The following RORA variants were observed in gnomAD, a reference collection of about 807,000 sequenced individuals.
RORA encodes nuclear receptor ROR-alpha.
Under a neutral mutation model 69.5 loss-of-function variants are expected in RORA, and 7 were observed. That is an observed-to-expected ratio of 0.10 (90% CI 0.06 to 0.19). The LOEUF is 0.19. RORA is among the 10% of genes least tolerant of loss of function. The pLI is 1.00. For synonymous variants in RORA, 261 were observed against 240.8 expected, an observed-to-expected ratio of 1.08 and a Z score of -0.78; for missense variants, 457 against 663.0, an observed-to-expected ratio of 0.69 and a Z score of 3.41.
chr15:60,867,660 T>C (rs1295867793), intron 1 of RORA, among the ~76,000 whole-genome samples: 2 of 152,166 alleles, frequency 1.3e-5, no homozygotes, highest in Non-Finnish European at 2.9e-5. Context: ...ATCAATGTGC[T>C]AAATAATTAA....
intron 3 of RORA, among the ~76,000 whole-genome samples, chr15:60,517,133 A>C (rs2065991546): frequency 7.3e-6 from 1 of 136,968 alleles, no homozygotes; most frequent in Non-Finnish European, 1.5e-5. Context: ...TCCCCCCTAC[A>C]ATAGGCAGAT....
chr15:61,040,163 T>TATATAA (rs1491503044), intron 1 of RORA, among the ~76,000 whole-genome samples: 5 of 108,966 alleles, frequency 4.6e-5, no homozygotes, highest in East Asian at 2.8e-4. Flanking sequence ...TATATATATA[T>TATATAA]AAAATATATG....
chr15:60,718,979 T>C (rs2071256075), intron 1 of RORA, among the ~76,000 whole-genome samples: 2 of 151,866 alleles, frequency 1.3e-5, no homozygotes. Context: ...AGGTCAGAGT[T>C]CAAGGACTGG....
At chr15:61,065,820 C>T (rs1189824867) in intron 1 of RORA, among the ~76,000 whole-genome samples, 1 of 152,216 alleles carries the variant, frequency 6.6e-6, no homozygotes, top group African/African-American at 2.4e-5. Flanking sequence ...TAACCCCTAA[C>T]TTTCATGCAA....
At chr15:60,759,438 G>A (rs1196045044) in intron 1 of RORA, among the ~76,000 whole-genome samples, 2 of 152,152 alleles carry the variant, frequency 1.3e-5, no homozygotes, top group African/African-American at 4.8e-5. Context: ...GCCAACTCTA[G>A]CAATGAATAC....
chr15:61,148,780 G>C (rs921502163), intron 1 of RORA, among the ~76,000 whole-genome samples: 10 of 152,162 alleles, frequency 6.6e-5, no homozygotes, highest in Non-Finnish European at 1.0e-4. Flanking sequence ...AATTAGATTA[G>C]AATGGGATCA....
intron 1 of RORA, among the ~76,000 whole-genome samples, chr15:61,052,069 A>C (rs2140505066): frequency 6.6e-6 from 1 of 152,356 alleles, no homozygotes; most frequent in South Asian, 2.1e-4. Context: ...CAGAAACAGA[A>C]AAGACAGAGG....
intron 2 of RORA, among the ~76,000 whole-genome samples, chr15:60,622,944 G>A (rs1682917914): frequency 6.6e-6 from 1 of 152,094 alleles, no homozygotes; most frequent in Non-Finnish European, 1.5e-5. Context: ...TCGAACTCCT[G>A]ACCTCAGGTG....
intron 2 of RORA, among the ~76,000 whole-genome samples, chr15:60,583,641 A>G (rs2068252820): frequency 6.6e-6 from 1 of 152,164 alleles, no homozygotes; most frequent in South Asian, 2.1e-4. Flanking sequence ...TGTTTGGGCC[A>G]CTTGGGGTAA....
intron 1 of RORA, among the ~76,000 whole-genome samples, chr15:60,865,876 G>C (rs2073481668): frequency 6.6e-6 from 1 of 152,046 alleles, no homozygotes; most frequent in Non-Finnish European, 1.5e-5. Flanking sequence ...GTTGTGTCAG[G>C]GGTAATGCTT....
intron 2 of RORA, among the ~76,000 whole-genome samples, chr15:60,632,217 T>G (rs893525283): frequency 6.6e-6 from 1 of 151,996 alleles, no homozygotes; most frequent in Non-Finnish European, 1.5e-5. Flanking sequence ...GCCATTCTCC[T>G]GCCTCAGCCT....
At chr15:60,909,590 T>C (rs79577978) in intron 1 of RORA, among the ~76,000 whole-genome samples, 2,252 of 152,278 alleles carry the variant, frequency 0.015, 32 homozygotes, top group African/African-American at 0.039. Flanking sequence ...AAGGGGAGAT[T>C]TGTTAAAGTA....
chr15:60,693,029 A>T (rs1217114377), intron 1 of RORA, among the ~76,000 whole-genome samples: 1 of 152,246 alleles, frequency 6.6e-6, no homozygotes, highest in Non-Finnish European at 1.5e-5. Flanking sequence ...ATCCCTGATG[A>T]ACATTGATGC....
intron 2 of RORA, among the ~76,000 whole-genome samples, chr15:60,587,031 A>G (rs915097710): frequency 6.6e-6 from 1 of 152,174 alleles, no homozygotes; most frequent in South Asian, 2.1e-4. Flanking sequence ...TTTATACTAC[A>G]CAAAGTCATA....
chr15:60,822,239 G>A (rs182478897), intron 1 of RORA, among the ~76,000 whole-genome samples: 1 of 152,286 alleles, frequency 6.6e-6, no homozygotes, highest in Non-Finnish European at 1.5e-5. Context: ...TAGTTCAAGA[G>A]CCTCATTTTG....
chr15:61,051,738 C>T (rs541512371), intron 1 of RORA, among the ~76,000 whole-genome samples: 10 of 152,312 alleles, frequency 6.6e-5, no homozygotes, highest in Admixed American at 1.3e-4. Context: ...AACACTTCTA[C>T]ATGCAAAGGA....
intron 1 of RORA, among the ~76,000 whole-genome samples, chr15:60,777,098 A>G (rs1008467823): frequency 6.6e-6 from 1 of 152,218 alleles, no homozygotes; most frequent in African/African-American, 2.4e-5. Flanking sequence ...ACTCCTTACA[A>G]GCTGTCCCAT....
chr15:61,005,536 G>C (rs1175735317), intron 1 of RORA, among the ~76,000 whole-genome samples: 1 of 152,112 alleles, frequency 6.6e-6, no homozygotes, highest in African/African-American at 2.4e-5. Flanking sequence ...GAAATGCTGA[G>C]GAAATGTTGC....
At chr15:60,527,661 G>GA (rs2066404366) in intron 3 of RORA, among the ~76,000 whole-genome samples, 1 of 152,240 alleles carries the variant, frequency 6.6e-6, no homozygotes, top group Non-Finnish European at 1.5e-5. Context: ...TATTCAGGCT[G>GA]AAGCAGTGCC....
Sources: allele counts gnomAD v4.1 joint callset (sites outside exome capture counted in the v4.1 genomes callset), GRCh38; gene constraint gnomAD v4.1.1; transcripts MANE v1.5; gene names NCBI Gene and HGNC (gene_info 2026-07-23, HGNC 2026-07-21).